ARHGAP20: variants seen among roughly 807,000 people sequenced by gnomAD.
The protein encoded by ARHGAP20 is Rho GTPase activating protein 20, also known as rho GTPase-activating protein 20.
A neutral mutation model predicts 73.7 loss-of-function variants in ARHGAP20; 34 were observed. The ratio of observed to expected loss-of-function variants is 0.46; its 90% CI spans 0.35 to 0.61. ARHGAP20 has a LOEUF of 0.61. ARHGAP20 is among the 20% of genes least tolerant of loss of function. The pLI is 0.00. For missense variants in ARHGAP20, 1,314 were observed against 1,420.9 expected (o/e 0.92, Z 1.21); for synonymous variants, 523 against 518.2 (o/e 1.01, Z -0.13).
At chr11:110,703,728 G>A (rs971405157) in intron 1 of ARHGAP20, among the ~76,000 whole-genome samples, 2 of 152,022 alleles carry the variant, frequency 1.3e-5, no homozygotes, top group African/African-American at 4.8e-5. Context: ...GGGTCTTCAC[G>A]TTGGCTAGAT....
chr11:110,688,533 A>G (rs1386637517), intron 2 of ARHGAP20, among the ~76,000 whole-genome samples: 1 of 152,162 alleles, frequency 6.6e-6, no homozygotes, highest in Non-Finnish European at 1.5e-5. Context: ...CAATAAATTT[A>G]TTTTTACATC....
intron 1 of ARHGAP20, among the ~76,000 whole-genome samples, chr11:110,699,348 C>T (rs570559730): frequency 2.0e-5 from 3 of 151,950 alleles, no homozygotes; most frequent in East Asian, 1.9e-4. Context: ...ATGGAGAATG[C>T]TCCATGCAGA....
intron 1 of ARHGAP20, among the ~76,000 whole-genome samples, chr11:110,702,294 A>C (rs1950468768): frequency 6.6e-6 from 1 of 152,180 alleles, no homozygotes; most frequent in Non-Finnish European, 1.5e-5. Context: ...CCACATGATT[A>C]TCTCAATAGA....
At chr11:110,664,684 T>C (rs1451917558) in intron 2 of ARHGAP20, among the ~76,000 whole-genome samples, 3 of 140,990 alleles carry the variant, frequency 2.1e-5, no homozygotes, top group African/African-American at 8.0e-5. Context: ...GCGGAGACTG[T>C]GCCACTGCAC....
rs898614260 is a variant in ARHGAP20, at chr11:110,704,605, T to C, written c.105+7522A>G. 1.6e-4 allele frequency among the ~76,000 whole-genome samples: 25 copies of C among 152,190 alleles called. 1 individual carries two copies. Among genetic ancestry groups the C allele is most frequent in the African/African-American group, 5.5e-4 (23 of 41,454 alleles). Reference sequence around the variant, plus strand: ...TATTGCCTACAAGCCTCATTATTGATGGTTGACCGAAGGCAATCATCTCTG... The same window carrying C: ...TATTGCCTACAAGCCTCATTATTGACGGTTGACCGAAGGCAATCATCTCTG... On this transcript the variant is annotated intron_variant, in intron 1 of 14. Transcript: ENST00000683387.
intron 2 of ARHGAP20, among the ~76,000 whole-genome samples, chr11:110,669,022 A>G (rs911376611): frequency 4.6e-5 from 7 of 152,184 alleles, no homozygotes; most frequent in African/African-American, 1.7e-4. Flanking sequence ...TAAAACTTCT[A>G]AAAGAAAACA....
At chr11:110,617,056 C>A (rs1181374412) in intron 4 of ARHGAP20, among the ~76,000 whole-genome samples, 1 of 152,096 alleles carries the variant, frequency 6.6e-6, no homozygotes, top group Non-Finnish European at 1.5e-5. Context: ...TTGGAAGGTC[C>A]CTTATGTTCT....
At chr11:110,699,994 GAAA>G (rs1950412938) in intron 1 of ARHGAP20, among the ~76,000 whole-genome samples, 1 of 151,990 alleles carries the variant, frequency 6.6e-6, no homozygotes, top group Non-Finnish European at 1.5e-5. Context: ...TAACAATGCA[GAAA>G]ACACTTTTTA....
chr11:110,592,523 T>C (rs1483191127), intron 9 of ARHGAP20, among the ~76,000 whole-genome samples: 4 of 151,888 alleles, frequency 2.6e-5, no homozygotes, highest in Non-Finnish European at 5.9e-5. Context: ...ATTTTAAAGA[T>C]GAGACTAAGC....
intron 11 of ARHGAP20, among the ~76,000 whole-genome samples, chr11:110,590,257 A>G (rs574189211): frequency 4.6e-5 from 7 of 152,266 alleles, no homozygotes; most frequent in African/African-American, 1.7e-4. Flanking sequence ...TCAAATGTCT[A>G]ATGTTTATAT....
At chr11:110,600,740 G>A (rs1463421989) in intron 9 of ARHGAP20, among the ~76,000 whole-genome samples, 1 of 152,124 alleles carries the variant, frequency 6.6e-6, no homozygotes, top group Non-Finnish European at 1.5e-5. Context: ...ATGTGAGTTG[G>A]GCCTTGAGGT....
intron 2 of ARHGAP20, among the ~76,000 whole-genome samples, chr11:110,674,815 T>C (rs182959912): frequency 6.6e-6 from 1 of 152,340 alleles, no homozygotes; most frequent in Admixed American, 6.5e-5. Flanking sequence ...AATCAGTTAA[T>C]GATTGATGTC....
At chr11:110,628,325 G>A (rs1009725844) in intron 3 of ARHGAP20, among the ~76,000 whole-genome samples, 1 of 152,004 alleles carries the variant, frequency 6.6e-6, no homozygotes, top group Admixed American at 6.5e-5. Flanking sequence ...TTCATCCAAG[G>A]GTAAGAAATG....
At chr11:110,675,263 A>G (rs988957610) in intron 2 of ARHGAP20, among the ~76,000 whole-genome samples, 13 of 152,224 alleles carry the variant, frequency 8.5e-5, no homozygotes, top group Admixed American at 8.5e-4. Context: ...TAGAAATCTA[A>G]GGCCCTCAGA....
chr11:110,690,670 T>C, intron 1 of ARHGAP20, 41 bp from the exon 2 acceptor site: 1 of 1,576,320 alleles, frequency 6.3e-7, no homozygotes, highest in Admixed American at 1.7e-5. Context: ...ACATGGCTTG[T>C]AAGGCAAGAC....
intron 9 of ARHGAP20, among the ~76,000 whole-genome samples, chr11:110,593,717 T>C (rs1947884024): frequency 6.6e-6 from 1 of 152,214 alleles, no homozygotes; most frequent in Non-Finnish European, 1.5e-5. Flanking sequence ...AGCCTGATAG[T>C]GGGAGCCCTA....
At chr11:110,695,455 A>G (rs1950317802) in intron 1 of ARHGAP20, among the ~76,000 whole-genome samples, 2 of 151,652 alleles carry the variant, frequency 1.3e-5, no homozygotes, top group South Asian at 4.1e-4. Flanking sequence ...AGTGACTTGT[A>G]TCTATTATAA....
At chr11:110,710,453 A>G (rs574276660) in intron 1 of ARHGAP20, among the ~76,000 whole-genome samples, 1 of 152,174 alleles carries the variant, frequency 6.6e-6, no homozygotes, top group Non-Finnish European at 1.5e-5. Flanking sequence ...AAAGAAAAAA[A>G]GAAAAAACTG....
chr11:110,646,931 C>A (rs1949206435), intron 2 of ARHGAP20, among the ~76,000 whole-genome samples: 1 of 151,894 alleles, frequency 6.6e-6, no homozygotes, highest in African/African-American at 2.4e-5. Flanking sequence ...AGTGGAAGCA[C>A]ATAACAGATA....
Sources: allele counts gnomAD v4.1 joint callset (sites outside exome capture counted in the v4.1 genomes callset), GRCh38; gene constraint gnomAD v4.1.1; transcripts MANE v1.5; gene names NCBI Gene and HGNC (gene_info 2026-07-23, HGNC 2026-07-21).